The following CTBP2 variants were observed in gnomAD, a reference collection of about 807,000 sequenced individuals.
CTBP2 encodes C-terminal-binding protein 2.
In CTBP2, 30 loss-of-function variants were observed where a neutral mutation model predicts 80.3. The ratio of observed to expected loss-of-function variants is 0.37; its 90% CI spans 0.28 to 0.51. The LOEUF (loss-of-function observed/expected upper bound fraction) is 0.51. CTBP2 is among the 20% of genes least tolerant of loss of function. The pLI is 0.93. For missense variants in CTBP2, 1,212 were observed against 1,375.3 expected (o/e 0.88, Z 1.88); for synonymous variants, 594 against 587.4 (o/e 1.01, Z -0.16).
chr10:125,119,877 T>G (rs1342961146), intron 1 of CTBP2, among the ~76,000 whole-genome samples: 1 of 152,252 alleles, frequency 6.6e-6, no homozygotes, highest in Non-Finnish European at 1.5e-5. Flanking sequence ...AGCTGCTGCC[T>G]GGGCTGCTTT....
intron 2 of CTBP2, among the ~76,000 whole-genome samples, chr10:125,102,247 T>C (rs1462988039): frequency 6.6e-6 from 1 of 152,200 alleles, no homozygotes; most frequent in Non-Finnish European, 1.5e-5. Context: ...GGCCATACCA[T>C]GAGGACTCTG....
At chr10:125,105,485 C>A (rs1041727263) in intron 2 of CTBP2, among the ~76,000 whole-genome samples, 76 of 152,244 alleles carry the variant, frequency 5.0e-4, no homozygotes, top group African/African-American at 1.8e-3. Flanking sequence ...GATACTAAAT[C>A]CTAAAATTAC....
intron 1 of CTBP2, among the ~76,000 whole-genome samples, chr10:125,128,313 C>G (rs999283724): frequency 2.0e-5 from 3 of 152,166 alleles, no homozygotes; most frequent in African/African-American, 4.8e-5. Flanking sequence ...ACACCAGGTA[C>G]CAAAGGCCAC....
At chr10:125,131,787 T>C (rs1179187487) in intron 1 of CTBP2, among the ~76,000 whole-genome samples, 1 of 152,206 alleles carries the variant, frequency 6.6e-6, no homozygotes, top group African/African-American at 2.4e-5. Flanking sequence ...TCTGCTGGAT[T>C]TTCCACATCC....
At chr10:125,002,668 G>A (rs113428743) in intron 3 of CTBP2, among the ~76,000 whole-genome samples, 9 of 152,324 alleles carry the variant, frequency 5.9e-5, no homozygotes, top group African/African-American at 2.2e-4. Context: ...CCCTCTGGAG[G>A]CGGCACTGGG....
At chr10:125,081,823 A>G (rs1847215413) in intron 2 of CTBP2, among the ~76,000 whole-genome samples, 1 of 152,104 alleles carries the variant, frequency 6.6e-6, no homozygotes, top group East Asian at 1.9e-4. Context: ...GAGTCACAGC[A>G]TGTCAGGGGC....
rs1260971479 is a variant in CTBP2 at position 125,026,364 on chromosome 10, G to C, written c.1396C>G (p.Pro466Ala). ...GGGTGAAGGGGGTTTGAGGGGCCCG[G>C]GTTAGTCAAGGCCACCCCTGCCTGC... The change falls in exon 1 of 9, where the codon CCG becomes GCG. Residue 466 changes from proline to alanine, a missense_variant. Physicochemically the swap from Pro to Ala is conservative, Grantham distance 27 (BLOSUM62 -1). Around this residue, in one of 3 missense-constraint regions of CTBP2, gnomAD observed 848 missense variants for 782.3 expected, o/e 1.08. Coordinates refer to ENST00000309035, the MANE Select transcript of CTBP2 (RefSeq NM_022802.3). 6.2e-7 allele frequency: 1 copy of C among 1,613,364 alleles called. No individual in the cohort carries two copies. Among genetic ancestry groups the C allele is most frequent in the Admixed American group, 1.7e-5 (1 of 60,002 alleles).
rs114864177 is a variant in CTBP2, at chr10:125,068,891, A to C, written c.-101-29736T>G. On this transcript the variant is annotated intron_variant, in intron 2 of 10. Transcript: ENST00000337195. ...CTGCCCCTGCTGTCTCCGAGGCCCC[A>C]CTCTCCCCTCAGCCAGCTGGAGCAC... 8.7e-3 allele frequency among the ~76,000 whole-genome samples: 1,323 copies of C among 151,538 alleles called. 23 individuals are homozygous for C. The highest frequency in any genetic ancestry group is 0.03 in the African/African-American group (1,226 of 41,254).
intron 1 of CTBP2, among the ~76,000 whole-genome samples, chr10:125,115,752 A>AATGG (rs534655473): frequency 6.2e-4 from 95 of 152,324 alleles, no homozygotes; most frequent in African/African-American, 2.1e-3. Flanking sequence ...ATTGATGGTT[A>AATGG]ATGGTTAGGC....
At chr10:124,996,050 T>TTTTTTG (rs1554952353) in intron 4 of CTBP2, 2 of 28,152 alleles carry the variant, frequency 7.1e-5, no homozygotes, top group African/African-American at 8.9e-5. Flanking sequence ...ATTTCTTTGT[T>TTTTTTG]TTTTTTTTTT....
chr10:124,995,629 C>T (rs892169615), intron 4 of CTBP2, among the ~76,000 whole-genome samples: 1 of 152,206 alleles, frequency 6.6e-6, no homozygotes, highest in Admixed American at 6.5e-5. Context: ...AACCGATGGC[C>T]TGGCTAGGAC....
intron 1 of CTBP2, among the ~76,000 whole-genome samples, chr10:125,159,089 G>A (rs927951896): frequency 7.9e-5 from 12 of 151,042 alleles, no homozygotes; most frequent in Non-Finnish European, 1.6e-4. Context: ...ACTCGCCCGG[G>A]GCGCTGGGGG....
chr10:125,157,023 A>G (rs996040954), intron 1 of CTBP2, among the ~76,000 whole-genome samples: 2 of 152,220 alleles, frequency 1.3e-5, no homozygotes, highest in African/African-American at 4.8e-5. Flanking sequence ...AGGCCAAAAT[A>G]TCTCACCAAG....
At position 124,985,072 on chromosome 10, in the gene CTBP2, C is replaced by T. The variant is rs771476009; in HGVS notation, c.*4446G>A. On this transcript the variant is annotated 3_prime_UTR_variant, in exon 9 of 9. Coordinates refer to ENST00000309035, the MANE Select transcript of CTBP2 (RefSeq NM_022802.3). ...GTTAGTGTGGTGCTCCAAGCAGAGT[C>T]GACATCATGGAATGAACCAAATCTG... 1.3e-5 allele frequency: 15 copies of T among 1,174,468 alleles called. No homozygotes were observed. The highest frequency in any genetic ancestry group is 3.1e-5 in the African/African-American group (2 of 65,358). The allele number at this position is 1,174,468 out of a possible 1,614,324, so 72.8% of individuals were successfully genotyped here. A position where few individuals can be genotyped will look rare whatever the true frequency, so the allele number is the denominator to read the frequency against.
At chr10:125,068,364 A>G (rs1844964852) in intron 2 of CTBP2, among the ~76,000 whole-genome samples, 1 of 152,264 alleles carries the variant, frequency 6.6e-6, no homozygotes, top group South Asian at 2.1e-4. Flanking sequence ...ATATAAACCA[A>G]AAGAAAATGT....
chr10:125,086,796 A>G (rs1590671224), intron 2 of CTBP2, among the ~76,000 whole-genome samples: 1 of 152,170 alleles, frequency 6.6e-6, no homozygotes, highest in East Asian at 1.9e-4. Context: ...TGCTTATGGA[A>G]TTTTGTTATA....
intron 2 of CTBP2, among the ~76,000 whole-genome samples, chr10:125,062,043 G>T (rs1965069780): frequency 6.6e-6 from 1 of 152,204 alleles, no homozygotes; most frequent in Admixed American, 6.5e-5. Context: ...AGTTTGTGAT[G>T]GACCTAAACT....
At chr10:125,111,972 C>T (rs140115536) in intron 1 of CTBP2, among the ~76,000 whole-genome samples, 23 of 152,078 alleles carry the variant, frequency 1.5e-4, no homozygotes, top group Middle Eastern at 3.4e-3. Context: ...TCGAGCCCCA[C>T]GAGAGAGGGA....
chr10:125,028,645 G>C (rs996099326), upstream of CTBP2, among the ~76,000 whole-genome samples: 2 of 152,272 alleles, frequency 1.3e-5, no homozygotes, highest in African/African-American at 4.8e-5. Context: ...GGGCCGGGGA[G>C]TGCCAGGGAA....
Sources: gnomAD v4.1 joint callset for allele counts (sites outside exome capture counted in the v4.1 genomes callset) on GRCh38, gnomAD v4.1.1 for gene constraint, gnomAD v4.1.1 regional missense constraint, MANE v1.5 for transcripts, NCBI Gene and HGNC (gene_info 2026-07-23, HGNC 2026-07-21) for gene names.